The following SPATS2L variants were observed in gnomAD, a reference collection of about 807,000 sequenced individuals.
The protein encoded by SPATS2L is SPATS2-like protein.
In SPATS2L, 30 loss-of-function variants were observed where a neutral mutation model predicts 59.6. The ratio of observed to expected loss-of-function variants is 0.50; its 90% CI spans 0.38 to 0.68. The LOEUF is 0.68. Among genes scored for constraint, SPATS2L ranks in the 30% least tolerant of loss-of-function variants. SPATS2L has a pLI of 0.00. For missense variants in SPATS2L, 615 were observed against 700.0 expected (o/e 0.88, Z 1.37); for synonymous variants, 252 against 263.5 (o/e 0.96, Z 0.42).
intron 8 of SPATS2L, among the ~76,000 whole-genome samples, chr2:200,444,826 G>C (rs1053508040): frequency 6.6e-6 from 1 of 152,036 alleles, no homozygotes; most frequent in Non-Finnish European, 1.5e-5. Context: ...ATACAGGCTA[G>C]GGCTCCTCAC....
intron 2 of SPATS2L, among the ~76,000 whole-genome samples, chr2:200,358,089 A>C (rs1363161199): frequency 6.6e-6 from 1 of 152,250 alleles, no homozygotes; most frequent in East Asian, 1.9e-4. Flanking sequence ...TGTGGTCTGG[A>C]TAAAATAATA....
At position 200,428,901 on chromosome 2, in the gene SPATS2L, C is replaced by A. The variant is rs529503792; in HGVS notation, c.445+9405C>A. Among the ~76,000 whole-genome samples the A allele has an allele frequency of 3.3e-5, 5 of 152,292 alleles. No homozygotes were observed. The South Asian group carries it at 6.2e-4, about 19-fold the overall frequency. ...GCTGTCTCTTCCCCTGCCTTCCCAC[C>A]AAAACTACCATCCTCACTTGCCTGC... On this transcript the variant is annotated intron_variant, in intron 6 of 12. Transcript: ENST00000409140.
intron 2 of SPATS2L, among the ~76,000 whole-genome samples, chr2:200,353,215 A>G (rs1469146994): frequency 2.6e-5 from 4 of 152,190 alleles, no homozygotes; most frequent in Non-Finnish European, 5.9e-5. Context: ...TGTTAACCAC[A>G]TCTGAGAACA....
intron 6 of SPATS2L, among the ~76,000 whole-genome samples, chr2:200,437,296 G>A (rs938339611): frequency 2.6e-5 from 4 of 152,124 alleles, no homozygotes; most frequent in African/African-American, 7.2e-5. Flanking sequence ...CAGTTTGGAC[G>A]TGTCATTGTT....
intron 2 of SPATS2L, among the ~76,000 whole-genome samples, chr2:200,368,374 A>C (rs1011906644): frequency 1.3e-5 from 2 of 152,206 alleles, no homozygotes; most frequent in Non-Finnish European, 2.9e-5. Context: ...AGTAAGAGTG[A>C]TGAGAGACTT....
At chr2:200,316,052 T>C (rs1440002411) in intron 1 of SPATS2L, among the ~76,000 whole-genome samples, 2 of 147,796 alleles carry the variant, frequency 1.4e-5, no homozygotes, top group African/African-American at 2.5e-5. Context: ...AAAAGAGATA[T>C]GCAGAGCTTT....
intron 6 of SPATS2L, among the ~76,000 whole-genome samples, chr2:200,433,469 T>C (rs184815553): frequency 9.9e-5 from 15 of 152,220 alleles, no homozygotes; most frequent in Non-Finnish European, 1.9e-4. Flanking sequence ...CTGAACACAG[T>C]AGAATTGAAT....
intron 2 of SPATS2L, among the ~76,000 whole-genome samples, chr2:200,329,730 C>A (rs144252322): frequency 6.6e-6 from 1 of 151,312 alleles, no homozygotes; most frequent in Non-Finnish European, 1.5e-5. Flanking sequence ...TGCCTTGCCA[C>A]GTCTGTGGAT....
chr2:200,410,737 A>G (rs993110426), intron 3 of SPATS2L, among the ~76,000 whole-genome samples: 4 of 152,136 alleles, frequency 2.6e-5, no homozygotes, highest in African/African-American at 9.7e-5. Flanking sequence ...ATGATTTTAT[A>G]CCACTTAAGT....
At chr2:200,307,514 C>T (rs2079063676) in intron 1 of SPATS2L, among the ~76,000 whole-genome samples, 2 of 152,062 alleles carry the variant, frequency 1.3e-5, no homozygotes, top group African/African-American at 4.8e-5. Flanking sequence ...GCTGGGGTGG[C>T]CGGAGCAGAC....
chr2:200,442,790 A>C (rs981675201), intron 8 of SPATS2L, among the ~76,000 whole-genome samples: 2 of 152,214 alleles, frequency 1.3e-5, no homozygotes, highest in African/African-American at 4.8e-5. Flanking sequence ...TTTACTCCTC[A>C]AGAGCTGAAA....
intron 2 of SPATS2L, chr2:200,351,160 G>A (rs963017978): frequency 2.0e-5 from 9 of 458,536 alleles, no homozygotes; most frequent in Non-Finnish European, 4.1e-5. Flanking sequence ...AAAGCAGTGC[G>A]AACTCTGAGG....
intron 1 of SPATS2L, among the ~76,000 whole-genome samples, chr2:200,313,511 C>G (rs143125163): frequency 2.9e-3 from 437 of 152,306 alleles, no homozygotes; most frequent in African/African-American, 0.01. Flanking sequence ...CAGTCTGATG[C>G]TAATCCCTCT....
chr2:200,366,193 C>T (rs2081263314), intron 2 of SPATS2L, among the ~76,000 whole-genome samples: 1 of 152,206 alleles, frequency 6.6e-6, no homozygotes, highest in South Asian at 2.1e-4. Flanking sequence ...TTGCAAAGTA[C>T]AAGTTAGGTG....
intron 1 of SPATS2L, among the ~76,000 whole-genome samples, chr2:200,308,470 G>A (rs538347409): frequency 3.9e-5 from 6 of 152,170 alleles, no homozygotes; most frequent in Admixed American, 3.9e-4. Flanking sequence ...GTTTCTATTT[G>A]GACAAGGCAA....
At chr2:200,449,246 T>C (rs534209797) in intron 8 of SPATS2L, among the ~76,000 whole-genome samples, 1 of 152,336 alleles carries the variant, frequency 6.6e-6, no homozygotes, top group South Asian at 2.1e-4. Context: ...TCAGTTGACA[T>C]GAAGGAAGAG....
intron 12 of SPATS2L, among the ~76,000 whole-genome samples, chr2:200,473,783 T>G (rs993865776): frequency 6.6e-6 from 1 of 152,178 alleles, no homozygotes; most frequent in Non-Finnish European, 1.5e-5. Context: ...GCAGATCACT[T>G]GAGGTCAGGA....
chr2:200,406,846 G>A (rs1013808862), intron 3 of SPATS2L, among the ~76,000 whole-genome samples: 1 of 152,222 alleles, frequency 6.6e-6, no homozygotes, highest in African/African-American at 2.4e-5. Flanking sequence ...AATGAAAGAA[G>A]AAGAGGGGGT....
At chr2:200,364,692 A>G (rs1017239917) in intron 2 of SPATS2L, among the ~76,000 whole-genome samples, 1 of 152,180 alleles carries the variant, frequency 6.6e-6, no homozygotes, top group East Asian at 1.9e-4. Context: ...CCCCAAAGCA[A>G]TTCTCCCTGT....
Sources: gnomAD v4.1 joint callset for allele counts (sites outside exome capture counted in the v4.1 genomes callset) on GRCh38, gnomAD v4.1.1 for gene constraint, MANE v1.5 for transcripts, NCBI Gene and HGNC (gene_info 2026-07-23, HGNC 2026-07-21) for gene names.